Variants in NHEJ1 observed in about 807,000 individuals in gnomAD.
NHEJ1 encodes the protein non-homologous end joining factor 1.
A neutral mutation model predicts 39.4 loss-of-function variants in NHEJ1; 22 were observed. That is an observed-to-expected ratio of 0.56 (90% CI 0.40 to 0.80). The LOEUF is 0.80. Ranked by LOEUF, NHEJ1 falls within the 30% of genes least tolerant of loss-of-function variation. The probability of loss-of-function intolerance (pLI) is 0.00; values close to 1 mark genes in which losing one functional copy is unlikely to be tolerated. For synonymous variants in NHEJ1, 154 were observed against 135.6 expected (o/e 1.14, Z -0.94); for missense variants, 329 against 357.1 (o/e 0.92, Z 0.63).
At chr2:219,115,974 G>A (rs1038096402) in intron 5 of NHEJ1, among the ~76,000 whole-genome samples, 5 of 151,864 alleles carry the variant, frequency 3.3e-5, no homozygotes, top group Admixed American at 1.3e-4. Flanking sequence ...ATAAAAATTC[G>A]CTGGGCGTGG....
intron 1 of NHEJ1, among the ~76,000 whole-genome samples, chr2:219,159,514 T>TATAC (rs1949891877): frequency 2.5e-4 from 11 of 43,978 alleles, no homozygotes; most frequent in Non-Finnish European, 6.5e-4. Context: ...GACATAACTT[T>TATAC]ATATATATAT....
chr2:219,118,426 G>A (rs1472584566), intron 5 of NHEJ1, among the ~76,000 whole-genome samples: 1 of 152,032 alleles, frequency 6.6e-6, no homozygotes, highest in African/African-American at 2.4e-5. Context: ...CAAGGAGACT[G>A]AGTGCTCCCC....
chr2:219,144,477 A>T (rs1312587385), intron 5 of NHEJ1, among the ~76,000 whole-genome samples: 2 of 152,094 alleles, frequency 1.3e-5, no homozygotes, highest in Non-Finnish European at 2.9e-5. Context: ...AATAGTCTTT[A>T]CAAGCAGAGT....
chr2:219,094,051 T>C (rs1574708009), intron 5 of NHEJ1, among the ~76,000 whole-genome samples: 1 of 152,228 alleles, frequency 6.6e-6, no homozygotes, highest in East Asian at 1.9e-4. Context: ...GGTTTTGAGG[T>C]GAGGAAGTCG....
chr2:219,094,869 C>T (rs551638925), intron 5 of NHEJ1, among the ~76,000 whole-genome samples: 6 of 152,212 alleles, frequency 3.9e-5, no homozygotes, highest in African/African-American at 1.4e-4. Flanking sequence ...AAGGAAAGAC[C>T]AAATCTAGGC....
intron 7 of NHEJ1, 24 bp downstream of exon 7, chr2:219,077,222 T>C (rs1574697590): frequency 1.3e-6 from 2 of 1,566,862 alleles, no homozygotes; most frequent in East Asian, 4.5e-5. Context: ...CAGAACACCA[T>C]CCAGGAAGCT....
At chr2:219,144,419 T>C (rs1949717306) in intron 5 of NHEJ1, among the ~76,000 whole-genome samples, 1 of 151,960 alleles carries the variant, frequency 6.6e-6, no homozygotes, top group Non-Finnish European at 1.5e-5. Flanking sequence ...ATGTTATAAG[T>C]GGTAAAACAG....
intron 5 of NHEJ1, among the ~76,000 whole-genome samples, chr2:219,089,060 C>T (rs957032825): frequency 6.6e-6 from 1 of 152,152 alleles, no homozygotes; most frequent in Admixed American, 6.5e-5. Context: ...ACCTCGTGAT[C>T]CGCCCGCCTC....
At chr2:219,104,670 CT>C (rs1949298089) in intron 5 of NHEJ1, among the ~76,000 whole-genome samples, 1 of 152,088 alleles carries the variant, frequency 6.6e-6, no homozygotes, top group South Asian at 2.1e-4. Context: ...ATAATCAATG[CT>C]GGAAACTTCG....
intron 5 of NHEJ1, chr2:219,102,710 T>C (rs1230249433): frequency 7.4e-6 from 1 of 134,518 alleles, no homozygotes; most frequent in African/African-American, 2.8e-5. Flanking sequence ...CTGGGCAACA[T>C]AAAAAAAAAA....
At chr2:219,119,723 A>T (rs1279067971) in intron 5 of NHEJ1, among the ~76,000 whole-genome samples, 2 of 152,220 alleles carry the variant, frequency 1.3e-5, no homozygotes, top group African/African-American at 4.8e-5. Context: ...ATCCTAAAGG[A>T]ATTTAATCTA....
chr2:219,145,608 A>G (rs1015687298), intron 5 of NHEJ1, among the ~76,000 whole-genome samples: 4 of 152,224 alleles, frequency 2.6e-5, no homozygotes, highest in African/African-American at 9.6e-5. Flanking sequence ...TACATGATAA[A>G]GTACCAACTT....
At chr2:219,076,530 T>A in intron 7 of NHEJ1, 75 bp from the exon 8 acceptor site, 2 of 1,050,034 alleles carry the variant, frequency 1.9e-6, no homozygotes, top group Non-Finnish European at 2.9e-6. Flanking sequence ...ACTTTCTTCC[T>A]CTCATGGCTC....
intron 5 of NHEJ1, among the ~76,000 whole-genome samples, chr2:219,133,860 C>T (rs1026347751): frequency 1.3e-5 from 2 of 152,210 alleles, no homozygotes; most frequent in Non-Finnish European, 1.5e-5. Flanking sequence ...ACAGAAAGAA[C>T]TAATCCTTCC....
chr2:219,101,984 A>T (rs1367573332), intron 5 of NHEJ1, among the ~76,000 whole-genome samples: 1 of 152,074 alleles, frequency 6.6e-6, no homozygotes, highest in Non-Finnish European at 1.5e-5. Flanking sequence ...TCGGCTTCCC[A>T]AAGTGCTGGA....
At chr2:219,108,843 G>C (rs1266651905) in intron 5 of NHEJ1, among the ~76,000 whole-genome samples, 1 of 152,066 alleles carries the variant, frequency 6.6e-6, no homozygotes, top group African/African-American at 2.4e-5. Flanking sequence ...TAAGGTATAA[G>C]AGTTAATGGC....
At chr2:219,151,404 G>A (rs1043690221) in intron 3 of NHEJ1, among the ~76,000 whole-genome samples, 1 of 152,108 alleles carries the variant, frequency 6.6e-6, no homozygotes, top group Non-Finnish European at 1.5e-5. Flanking sequence ...ACAAGGAACA[G>A]CTTTTAATTA....
intron 4 of NHEJ1, 126 bp downstream of exon 4, chr2:219,147,531 T>G (rs571490750): frequency 1.8e-6 from 2 of 1,115,584 alleles, no homozygotes; most frequent in East Asian, 2.4e-5. Context: ...CTCCAGTTTC[T>G]GGTTAGTATT....
chr2:219,076,314 C>A lies in NHEJ1; in HGVS notation c.*67G>T, dbSNP rs529852060. 6.2e-7 allele frequency: 1 copy of A among 1,613,846 alleles called. No homozygotes were observed. Among genetic ancestry groups the A allele is most frequent in the African/African-American group, 1.3e-5 (1 of 75,008 alleles). On this transcript the variant is annotated 3_prime_UTR_variant, in exon 8 of 8. Coordinates refer to ENST00000356853, the MANE Select transcript of NHEJ1 (RefSeq NM_024782.3). ...TTTAGAAATATTGCTGCCATGTAAG[C>A]TTCTTTCAAGGTGAAGCTTGGAAGC...
Sources: gnomAD v4.1 joint callset for allele counts (sites outside exome capture counted in the v4.1 genomes callset) on GRCh38, gnomAD v4.1.1 for gene constraint, MANE v1.5 for transcripts, NCBI Gene and HGNC (gene_info 2026-07-23, HGNC 2026-07-21) for gene names.